Variants in HDAC7 observed in about 807,000 individuals in gnomAD.
HDAC7 encodes histone deacetylase 7A.
HDAC7 carries 26 observed loss-of-function variants against 115.5 expected under a neutral mutation model. That is an observed-to-expected ratio of 0.23 (90% CI 0.16 to 0.31). The LOEUF (loss-of-function observed/expected upper bound fraction) is 0.31, where lower values mean the gene tolerates loss of function less well. HDAC7 is among the 10% of genes least tolerant of loss of function. The pLI is 1.00. For missense variants in HDAC7, 1,068 were observed against 1,329.0 expected, an observed-to-expected ratio of 0.80 and a Z score of 3.05; for synonymous variants, 564 against 550.9, an observed-to-expected ratio of 1.02 and a Z score of -0.33.
chr12:47,797,288 C>G lies in HDAC7; in HGVS notation c.577+96G>C, dbSNP rs1036467544. 3 of 1,455,024 alleles carry G rather than the reference C, an allele frequency of 2.1e-6. No homozygotes were observed. In the African/African-American group the frequency reaches 4.2e-5, roughly 20 times the overall value. 90.1% of individuals were successfully genotyped at this position (1,455,024 alleles called of 1,614,324 possible). On this transcript the variant is annotated intron_variant, in intron 6 of 25. Coordinates refer to ENST00000080059, the MANE Select transcript of HDAC7 (RefSeq NM_015401.5). The surrounding 1 kb of genome is among the most constrained non-coding windows in gnomAD (Gnocchi z 5.5). ...CCTAGCCTACCGATGATCTCCTGGC[C>G]CAGCCCAGCCCGCCCACCCCTGCAC...
intron 1 of HDAC7, chr12:47,802,658 A>G: frequency 1.6e-6 from 1 of 616,358 alleles, no homozygotes; most frequent in South Asian, 2.0e-5. Context: ...GAAGGCCAAG[A>G]GGTGAGGTGG....
At position 47,801,669 on chromosome 12, in the gene HDAC7, C is replaced by T. The variant is rs527999063; in HGVS notation, c.70+555G>A. On this transcript the variant is annotated intron_variant, in intron 2 of 25. Transcript: ENST00000080059. ...GCTACACTAAAGGAAGGGCAGACCG[C>T]GTCTAGTCCAGACCTGGCCCCATGG... Among the ~76,000 whole-genome samples the T allele has an allele frequency of 1.1e-4, 17 of 152,310 alleles. No individual in the cohort carries two copies. In the East Asian group the frequency reaches 1.2e-3, roughly 10 times the overall value.
chr12:47,820,001 G>GGGGAGGGGA, upstream of HDAC7: 1 of 153,292 alleles, frequency 6.5e-6, no homozygotes, highest in Admixed American at 6.6e-5. This position sits in a 1 kb window ranked among gnomAD's most constrained non-coding sequence, Gnocchi z 4.3. Flanking sequence ...GCGGGCCAAG[G>GGGGAGGGGA]GGGAGGGGAG....
Position 47,795,252 on chromosome 12 carries a change from C to A in HDAC7, c.1216G>T (p.Ala406Ser). The A allele has an allele frequency of 6.2e-7, 1 of 1,611,772 alleles. No individual in the cohort carries two copies. Residue 406 changes from alanine to serine, a missense_variant, in exon 11 of 26, where the codon GCT becomes TCT. Physicochemically the swap from Ala to Ser is moderately conservative, Grantham distance 99. Coordinates refer to ENST00000080059, the MANE Select transcript of HDAC7 (RefSeq NM_015401.5). This position sits in a 1 kb window ranked among gnomAD's most constrained non-coding sequence, Gnocchi z 4.3. ...TGCATGGGGCCCGGCGGTGGGGGAG[C>A]GGTGGCACTGGGGGGCAGGGGCTCT... Reference protein sequence around the residue: ...RSEPLPPSATAPPPPGPMQPR... With the variant: ...RSEPLPPSATSPPPPGPMQPR...
chr12:47,791,324 C>T lies in HDAC7; in HGVS notation c.1934-16G>A. The stretch of plus-strand genomic sequence containing the variant: ...GCCAGGAGCCCTGCGGGGAGAGGCC[C>T]AGCCCACGTCAGCGTGAATACTCTC... On this transcript the variant is annotated splice_polypyrimidine_tract_variant and intron_variant, in intron 15 of 25. Coordinates refer to ENST00000080059, the MANE Select transcript of HDAC7 (RefSeq NM_015401.5). The T allele has an allele frequency of 6.4e-7, 1 of 1,564,384 alleles. No individual in the cohort carries two copies. Among genetic ancestry groups the T allele is most frequent in the Non-Finnish European group, 8.7e-7 (1 of 1,155,072 alleles).
intron 7 of HDAC7, 152 bp from the exon 8 acceptor site, chr12:47,796,450 G>GCAAGAC: frequency 1.9e-6 from 1 of 531,992 alleles, no homozygotes. Flanking sequence ...TTGAGACAGA[G>GCAAGAC]TCTTGCTCTG....
Position 47,796,315 on chromosome 12 carries a change from G to C in HDAC7, c.704-17C>G, listed in dbSNP as rs775662592. The C allele has an allele frequency of 6.3e-6, 10 of 1,581,560 alleles. No homozygotes were observed. Among genetic ancestry groups the C allele is most frequent in the South Asian group, 1.2e-5 (1 of 86,082 alleles). ...GGGAGGAGTCTGAGGGTTGGGGAGA[G>C]AGGGAAGTGCAGTCAGAGGCCAGGG... On this transcript the variant is annotated splice_polypyrimidine_tract_variant and intron_variant, in intron 7 of 25. Coordinates refer to ENST00000080059, the MANE Select transcript of HDAC7 (RefSeq NM_015401.5).
chr12:47,798,280 C>T lies in HDAC7; in HGVS notation c.350-61G>A. 7.9e-7 allele frequency: 1 copy of T among 1,269,294 alleles called. No individual in the cohort carries two copies. The allele number at this position is 1,269,294 out of a possible 1,614,324, so 78.6% of individuals were successfully genotyped here. Reference sequence around the variant, plus strand: ...GTGGACAGGCGGCCTCGTGGCACTACCTGGCCACTGCCCTGTCCCCATCCT... The same window carrying T: ...GTGGACAGGCGGCCTCGTGGCACTATCTGGCCACTGCCCTGTCCCCATCCT... On this transcript the variant is annotated intron_variant, in intron 4 of 25. Coordinates refer to ENST00000080059, the MANE Select transcript of HDAC7 (RefSeq NM_015401.5). This position sits in a 1 kb window ranked among gnomAD's most constrained non-coding sequence, Gnocchi z 4.3.
chr12:47,790,800 T>G, intron 16 of HDAC7: 3 of 195,720 alleles, frequency 1.5e-5, no homozygotes, highest in South Asian at 8.4e-5. Context: ...TGTCCCGGAG[T>G]GGGGAGTGCT....
chr12:47,796,715 C>T lies in HDAC7; in HGVS notation c.703+302G>A, dbSNP rs1330016167. Among the ~76,000 whole-genome samples, 14 of 152,200 alleles carry T rather than the reference C, an allele frequency of 9.2e-5. No homozygotes were observed. The South Asian group carries it at 2.1e-3, about 22-fold the overall frequency. On this transcript the variant is annotated intron_variant, in intron 7 of 25. Coordinates refer to ENST00000080059, the MANE Select transcript of HDAC7 (RefSeq NM_015401.5). ...CTGAGATTATAGGCGTGAACCACCG[C>T]GCCCGGCCTCCTGCTTTCTTCCCAT...
intron 24 of HDAC7, 22 bp downstream of exon 24, chr12:47,785,365 A>C (rs764111282): frequency 1.3e-6 from 2 of 1,584,736 alleles, no homozygotes; most frequent in South Asian, 2.3e-5. Context: ...GAGCTCAGCG[A>C]GTGTCCCATC....
At position 47,798,226 on chromosome 12, in the gene HDAC7, G is replaced by A; in HGVS notation, c.350-7C>T. ...ACGCTGCTGGCTACAGCACCTGTAG[G>A]GGCAGAGTCAGGAGGGGGCTGGAGG... is the stretch of plus-strand genomic sequence containing the variant. On this transcript the variant is annotated splice_polypyrimidine_tract_variant and splice_region_variant and intron_variant, in intron 4 of 25. Transcript: ENST00000080059. The surrounding 1 kb of genome is among the most constrained non-coding windows in gnomAD (Gnocchi z 4.3). 6.2e-7 allele frequency: 1 copy of A among 1,610,018 alleles called. No homozygotes were observed. Among genetic ancestry groups the A allele is most frequent in the Non-Finnish European group, 8.5e-7 (1 of 1,176,632 alleles).
intron 1 of HDAC7, among the ~76,000 whole-genome samples, chr12:47,818,179 G>A (rs2137083558): frequency 6.6e-6 from 1 of 152,270 alleles, no homozygotes; most frequent in Admixed American, 6.5e-5. Context: ...TGGCCACAGA[G>A]ACACCCGCCG....
intron 24 of HDAC7, 177 bp downstream of exon 24, chr12:47,785,210 A>T: frequency 1.6e-6 from 1 of 621,044 alleles, no homozygotes; most frequent in Non-Finnish European, 2.8e-6. Flanking sequence ...TCAGAGGATA[A>T]CCCCTCACTG....
At chr12:47,804,524 GAAA>G (rs35819372) in intron 1 of HDAC7, among the ~76,000 whole-genome samples, 2 of 129,642 alleles carry the variant, frequency 1.5e-5, no homozygotes, top group Non-Finnish European at 3.3e-5. Flanking sequence ...GGGTCAGCCT[GAAA>G]AAAAAAAAAA....
intron 21 of HDAC7, among the ~76,000 whole-genome samples, chr12:47,787,360 G>A (rs1943229004): frequency 6.6e-6 from 1 of 151,902 alleles, no homozygotes; most frequent in Admixed American, 6.5e-5. Flanking sequence ...CGTAGAATTA[G>A]CTGTCATGGA....
At position 47,793,236 on chromosome 12, in the gene HDAC7, T is replaced by C. The variant is rs1943621094; in HGVS notation, c.1678+133A>G. The C allele has an allele frequency of 3.1e-6, 2 of 644,148 alleles. No homozygotes were observed. Among genetic ancestry groups the C allele is most frequent in the African/African-American group, 1.8e-5 (1 of 54,358 alleles). The allele number at this position is 644,148 out of a possible 1,614,324, so 39.9% of individuals were successfully genotyped here. On this transcript the variant is annotated intron_variant, in intron 13 of 25. Transcript: ENST00000080059. The surrounding 1 kb of genome is among the most constrained non-coding windows in gnomAD (Gnocchi z 4.5). ...ATAACCAGCTGTTCCATGTGCTCCATGGGTACTACGTGGGCCTAACAAGGC... is the reference window on the plus strand; with the variant it reads ...ATAACCAGCTGTTCCATGTGCTCCACGGGTACTACGTGGGCCTAACAAGGC...
chr12:47,812,772 C>T (rs1944721411), intron 1 of HDAC7, among the ~76,000 whole-genome samples: 1 of 152,234 alleles, frequency 6.6e-6, no homozygotes, highest in South Asian at 2.1e-4. Flanking sequence ...AATCGAGTCT[C>T]AGAGCCATCA....
chr12:47,787,902 C>T (rs1162471064), intron 20 of HDAC7, 93 bp from the exon 21 acceptor site: 1 of 1,520,424 alleles, frequency 6.6e-7, no homozygotes, highest in Middle Eastern at 1.7e-4. Context: ...CTCATCCAGC[C>T]TCCCCATTTC....
Sources: allele counts gnomAD v4.1 joint callset (sites outside exome capture counted in the v4.1 genomes callset), GRCh38; gene constraint gnomAD v4.1.1; non-coding constraint Gnocchi (gnomAD v3.1); transcripts MANE v1.5; gene names NCBI Gene and HGNC (gene_info 2026-07-23, HGNC 2026-07-21).